Variants in AGPAT5 observed in about 807,000 individuals in gnomAD.
AGPAT5 encodes the protein 1-acyl-sn-glycerol-3-phosphate acyltransferase epsilon.
AGPAT5 carries 46 observed loss-of-function variants against 45.6 expected under a neutral mutation model. That is an observed-to-expected ratio of 1.01 (90% confidence interval 0.80 to 1.29). The LOEUF is 1.29. Among genes scored for constraint, AGPAT5 ranks in the 50% most tolerant of loss-of-function variants. AGPAT5 has a pLI of 0.00. For missense variants in AGPAT5, 673 were observed against 450.7 expected (o/e 1.49, Z -4.47); for synonymous variants, 272 against 167.0 (o/e 1.63, Z -4.85).
chr8:6,739,659 C>A (rs901440079), intron 4 of AGPAT5, among the ~76,000 whole-genome samples: 2 of 151,956 alleles, frequency 1.3e-5, no homozygotes, highest in Non-Finnish European at 1.5e-5. Context: ...AAAATATATT[C>A]CTTAGGATTT....
At chr8:6,744,126 A>G (rs1339576297) in intron 5 of AGPAT5, among the ~76,000 whole-genome samples, 1 of 152,140 alleles carries the variant, frequency 6.6e-6, no homozygotes, top group Admixed American at 6.5e-5. Flanking sequence ...TATACTTAAT[A>G]TTACAAAAGT....
chr8:6,722,686 A>T (rs1269775690), intron 1 of AGPAT5, among the ~76,000 whole-genome samples: 1 of 152,262 alleles, frequency 6.6e-6, no homozygotes, highest in East Asian at 1.9e-4. Flanking sequence ...CATCTAATTC[A>T]GGCCTTCTCC....
intron 5 of AGPAT5, chr8:6,746,122 C>T (rs1242014819): frequency 2.0e-5 from 3 of 152,158 alleles, no homozygotes; most frequent in Admixed American, 2.0e-4. Context: ...TCCCCAACTT[C>T]CAGGCTAAAG....
intron 1 of AGPAT5, among the ~76,000 whole-genome samples, chr8:6,720,520 A>G (rs1800463704): frequency 6.6e-6 from 1 of 152,226 alleles, no homozygotes; most frequent in Non-Finnish European, 1.5e-5. Context: ...TGAATGTGGC[A>G]GAGTTAAATG....
At chr8:6,740,518 A>G (rs1398418068) in intron 4 of AGPAT5, among the ~76,000 whole-genome samples, 1 of 148,632 alleles carries the variant, frequency 6.7e-6, no homozygotes, top group Admixed American at 6.7e-5. Flanking sequence ...AATAATATAA[A>G]TTATTAAATA....
intron 2 of AGPAT5, among the ~76,000 whole-genome samples, chr8:6,728,973 G>A (rs1035013884): frequency 1.3e-5 from 2 of 152,192 alleles, no homozygotes; most frequent in African/African-American, 2.4e-5. Flanking sequence ...AACACAGGTT[G>A]TGTCTGTCTC....
In AGPAT5 at chr8:6,757,230, A is replaced by T; in HGVS notation, c.937A>T (p.Asn313Tyr). The T allele has an allele frequency of 6.2e-7, 1 of 1,614,210 alleles. No individual in the cohort carries two copies. Among genetic ancestry groups the T allele is most frequent in the Non-Finnish European group, 8.5e-7 (1 of 1,180,016 alleles). Reference sequence around the variant, plus strand: ...AAAAAGATTTCCTGGGAAAAGTGTTAATTCCAAATTAAGTATCAAGAAGAC... The same window carrying T: ...AAAAAGATTTCCTGGGAAAAGTGTTTATTCCAAATTAAGTATCAAGAAGAC... ...RRKRFPGKSVNSKLSIKKTLP... is the reference protein window; with the variant it reads ...RRKRFPGKSVYSKLSIKKTLP... Residue 313 changes from asparagine (N) to tyrosine (Y), a missense_variant, in exon 8 of 8, where the codon AAT (asparagine) becomes TAT (tyrosine). Physicochemically the swap from Asn to Tyr is moderately radical, Grantham distance 143 (BLOSUM62 -2). Transcript: ENST00000285518.
intron 5 of AGPAT5, among the ~76,000 whole-genome samples, chr8:6,744,047 C>T (rs551382432): frequency 2.8e-4 from 43 of 152,014 alleles, no homozygotes; most frequent in African/African-American, 1.0e-3. Flanking sequence ...TTTTATGTCT[C>T]AAACATCATA....
At chr8:6,728,096 G>A (rs542894384) in intron 2 of AGPAT5, among the ~76,000 whole-genome samples, 3 of 152,164 alleles carry the variant, frequency 2.0e-5, no homozygotes, top group Non-Finnish European at 2.9e-5. Context: ...CATGAATTAG[G>A]AACTGCTGTT....
intron 7 of AGPAT5, among the ~76,000 whole-genome samples, chr8:6,755,818 T>G (rs543697358): frequency 6.6e-6 from 1 of 152,336 alleles, no homozygotes; most frequent in South Asian, 2.1e-4. Context: ...GTGAAAATGA[T>G]TAAAAGTGTA....
At chr8:6,736,895 T>G (rs1312630769) in intron 4 of AGPAT5, among the ~76,000 whole-genome samples, 1 of 152,274 alleles carries the variant, frequency 6.6e-6, no homozygotes, top group Non-Finnish European at 1.5e-5. Flanking sequence ...TTGGTTTCTG[T>G]GCCCTTCATC....
chr8:6,748,264 TC>T (rs1801545300), intron 6 of AGPAT5, among the ~76,000 whole-genome samples: 2 of 152,314 alleles, frequency 1.3e-5, no homozygotes, highest in South Asian at 4.1e-4. Context: ...CCTTTTTTTT[TC>T]CCCAAACATG....
chr8:6,723,328 G>T (rs935114383), intron 1 of AGPAT5, among the ~76,000 whole-genome samples: 1 of 152,144 alleles, frequency 6.6e-6, no homozygotes, highest in Non-Finnish European at 1.5e-5. Context: ...AGTGTGGGCA[G>T]GTGCGCACCA....
chr8:6,715,969 T>G (rs1421526939), intron 1 of AGPAT5, among the ~76,000 whole-genome samples: 2 of 152,166 alleles, frequency 1.3e-5, no homozygotes, highest in East Asian at 3.9e-4. Flanking sequence ...TCTGCCCCGG[T>G]TAACTTTTCC....
chr8:6,731,891 C>T (rs1800877443), intron 3 of AGPAT5, among the ~76,000 whole-genome samples: 1 of 152,350 alleles, frequency 6.6e-6, no homozygotes, highest in African/African-American at 2.4e-5. Context: ...CCTGTGTCCT[C>T]AGGTGGTTTT....
chr8:6,721,780 G>A (rs10481363), intron 1 of AGPAT5, among the ~76,000 whole-genome samples: 3,372 of 152,252 alleles, frequency 0.022, 124 homozygotes, highest in African/African-American at 0.077. Flanking sequence ...CTGATTAACA[G>A]GAGAAGAGGC....
chr8:6,755,886 A>T (rs907572943), intron 7 of AGPAT5, among the ~76,000 whole-genome samples: 7 of 152,232 alleles, frequency 4.6e-5, no homozygotes, highest in African/African-American at 1.7e-4. Context: ...ACTGTACATG[A>T]TGTAATGTAT....
chr8:6,753,105 T>G (rs1801710554), intron 6 of AGPAT5, among the ~76,000 whole-genome samples: 1 of 152,204 alleles, frequency 6.6e-6, no homozygotes, highest in South Asian at 2.1e-4. Context: ...AAGCATGCCG[T>G]AAACACATTC....
At chr8:6,720,495 G>A (rs530196793) in intron 1 of AGPAT5, among the ~76,000 whole-genome samples, 1 of 152,266 alleles carries the variant, frequency 6.6e-6, no homozygotes, top group East Asian at 1.9e-4. Flanking sequence ...TGTTTGTAAT[G>A]TTGACCACAC....
Sources: gnomAD v4.1 joint callset for allele counts (sites outside exome capture counted in the v4.1 genomes callset) on GRCh38, gnomAD v4.1.1 for gene constraint, MANE v1.5 for transcripts, NCBI Gene and HGNC (gene_info 2026-07-23, HGNC 2026-07-21) for gene names.